BMP2K: variants seen among roughly 807,000 people sequenced by gnomAD.
BMP2K encodes the protein BMP2 inducible kinase, also known as BMP-2-inducible protein kinase.
BMP2K carries 74 observed loss-of-function variants against 116.0 expected under a neutral mutation model. The ratio of observed to expected loss-of-function variants is 0.64; its 90% CI spans 0.53 to 0.77. The LOEUF is 0.77. Among genes scored for constraint, BMP2K ranks in the 30% least tolerant of loss-of-function variants. The pLI, the probability that BMP2K is intolerant of heterozygous loss-of-function variation, is 0.00. For synonymous variants in BMP2K, 486 were observed against 502.5 expected, an observed-to-expected ratio of 0.97 and a Z score of 0.44; for missense variants, 1,365 against 1,403.6, an observed-to-expected ratio of 0.97 and a Z score of 0.44.
intron 13 of BMP2K, among the ~76,000 whole-genome samples, chr4:78,874,908 T>C: frequency 7.2e-6 from 1 of 138,676 alleles, no homozygotes; most frequent in African/African-American, 3.5e-5. Context: ...TCTGTGTAAC[T>C]ATTAAAAAAT....
rs1734585982 is a variant in BMP2K at position 78,911,338 on chromosome 4, G to A, written c.2791G>A (p.Val931Ile). ...CCCTGGTTATCCCAAAAGTGTAGAT[G>A]TATTTGGCTCCACTCCATTTCAGCC... Reference protein sequence around the residue: ...TIPGYPKSVDVFGSTPFQPFL... With the variant: ...TIPGYPKSVDIFGSTPFQPFL... Residue 931 changes from valine (V) to isoleucine (I), a missense_variant, in exon 16 of 16, where the codon GTA becomes ATA. Transcript: ENST00000502613. 1.1e-5 allele frequency: 17 copies of A among 1,613,576 alleles called. 1 individual carries two copies. In the African/African-American group the frequency reaches 1.3e-4, roughly 13 times the overall value.
At chr4:78,895,429 T>C (rs1733650641) in intron 15 of BMP2K, among the ~76,000 whole-genome samples, 1 of 152,158 alleles carries the variant, frequency 6.6e-6, no homozygotes, top group Non-Finnish European at 1.5e-5. Context: ...TCTCACAAAT[T>C]TCAAAAAGTG....
At chr4:78,842,156 A>G (rs192519653) in intron 3 of BMP2K, among the ~76,000 whole-genome samples, 176 of 152,212 alleles carry the variant, frequency 1.2e-3, no homozygotes, top group African/African-American at 3.9e-3. Context: ...AAAGTGGGCA[A>G]TAGCATTAAT....
chr4:78,789,957 T>A (rs1342349750), intron 1 of BMP2K, among the ~76,000 whole-genome samples: 1 of 152,194 alleles, frequency 6.6e-6, no homozygotes, highest in Non-Finnish European at 1.5e-5. Flanking sequence ...TAATATCGGA[T>A]CCCTATTTGC....
chr4:78,782,505 A>G (rs942148409), intron 1 of BMP2K, among the ~76,000 whole-genome samples: 1 of 152,156 alleles, frequency 6.6e-6, no homozygotes, highest in Non-Finnish European at 1.5e-5. Context: ...CTAATTTGCA[A>G]ATTGAAGAGC....
chr4:78,820,597 G>A (rs1268298637), intron 1 of BMP2K, among the ~76,000 whole-genome samples: 1 of 152,032 alleles, frequency 6.6e-6, no homozygotes, highest in Non-Finnish European at 1.5e-5. Flanking sequence ...CTGAGACGGA[G>A]TTTTGCTCTT....
At chr4:78,849,442 A>G (rs924130035) in intron 6 of BMP2K, among the ~76,000 whole-genome samples, 1 of 151,620 alleles carries the variant, frequency 6.6e-6, no homozygotes, top group East Asian at 1.9e-4. Context: ...TAAAATTGTT[A>G]TCTGGGAACC....
intron 15 of BMP2K, among the ~76,000 whole-genome samples, chr4:78,899,931 A>AT (rs1399857786): frequency 6.6e-6 from 1 of 152,142 alleles, no homozygotes; most frequent in African/African-American, 2.4e-5. Context: ...AAGAATTTAG[A>AT]TTTTATATGG....
At chr4:78,796,410 T>G in intron 1 of BMP2K, among the ~76,000 whole-genome samples, 1 of 140,168 alleles carries the variant, frequency 7.1e-6, no homozygotes, top group East Asian at 2.5e-4. Flanking sequence ...GGGGGAGGGA[T>G]AGCATTGGGA....
At chr4:78,848,023 C>T (rs999410159) in intron 6 of BMP2K, among the ~76,000 whole-genome samples, 5 of 151,430 alleles carry the variant, frequency 3.3e-5, no homozygotes, top group African/African-American at 1.2e-4. Flanking sequence ...GTTTTGAAAA[C>T]GTAATGTACA....
chr4:78,884,188 G>A lies in BMP2K; in HGVS notation c.1952-2986G>A, dbSNP rs754616484. The stretch of plus-strand genomic sequence containing the variant: ...ACAAAAAATAAAAAATTAGCTGAAC[G>A]TGGTGGCCTGTGCCTCTAGTGCCAG... On this transcript the variant is annotated intron_variant, in intron 14 of 15. Coordinates refer to ENST00000502613, the MANE Select transcript of BMP2K (RefSeq NM_198892.2). Among the ~76,000 whole-genome samples, 5 of 152,016 alleles carry A rather than the reference G, an allele frequency of 3.3e-5. No homozygotes were observed. The East Asian group carries it at 7.7e-4, about 23-fold the overall frequency.
At chr4:78,851,779 G>T (rs1413551473) in intron 7 of BMP2K, among the ~76,000 whole-genome samples, 1 of 151,998 alleles carries the variant, frequency 6.6e-6, no homozygotes, top group South Asian at 2.1e-4. Flanking sequence ...AAAAATAAAT[G>T]TACTTGAAGA....
chr4:78,832,268 G>T (rs771588642), intron 2 of BMP2K, among the ~76,000 whole-genome samples: 9 of 152,082 alleles, frequency 5.9e-5, no homozygotes, highest in Non-Finnish European at 1.0e-4. Flanking sequence ...ATTTTCTGTA[G>T]CAGCTGAACC....
At chr4:78,836,694 T>G (rs1316937904) in intron 3 of BMP2K, among the ~76,000 whole-genome samples, 1 of 152,232 alleles carries the variant, frequency 6.6e-6, no homozygotes, top group African/African-American at 2.4e-5. Flanking sequence ...AGAAGGATTT[T>G]TGAAACCTTG....
chr4:78,794,189 G>A (rs1560502219), intron 1 of BMP2K, among the ~76,000 whole-genome samples: 1 of 152,008 alleles, frequency 6.6e-6, no homozygotes, highest in Non-Finnish European at 1.5e-5. Context: ...ATCTGGGGGG[G>A]AATCCCTTTC....
At chr4:78,873,334 A>C (rs532947629) in intron 13 of BMP2K, among the ~76,000 whole-genome samples, 1 of 152,354 alleles carries the variant, frequency 6.6e-6, no homozygotes, top group African/African-American at 2.4e-5. Context: ...TAGTAGCGTT[A>C]TAAATTAAAT....
At chr4:78,844,149 C>G (rs1024939544) in intron 4 of BMP2K, among the ~76,000 whole-genome samples, 1 of 151,760 alleles carries the variant, frequency 6.6e-6, no homozygotes, top group Admixed American at 6.6e-5. Context: ...CCAGACTGTT[C>G]TAAGCACTTT....
In BMP2K at chr4:78,830,690, G is replaced by A. The variant is rs114040022; in HGVS notation, c.298-2892G>A. Among the ~76,000 whole-genome samples the A allele has an allele frequency of 9.2e-3, 1,400 of 152,306 alleles. 6 individuals carry two copies. Among genetic ancestry groups the A allele is most frequent in the Non-Finnish European group, 0.016 (1,069 of 68,028 alleles). On this transcript the variant is annotated intron_variant, in intron 2 of 15. Transcript: ENST00000502613. ...TTTACTTTGTACTTAATATGTGCTGGAAATGGCTTCTTTCCTTAAACCTCA... is the reference window on the plus strand; with the variant it reads ...TTTACTTTGTACTTAATATGTGCTGAAAATGGCTTCTTTCCTTAAACCTCA...
intron 1 of BMP2K, among the ~76,000 whole-genome samples, chr4:78,821,045 A>G (rs973069023): frequency 2.0e-5 from 3 of 152,034 alleles, no homozygotes; most frequent in Non-Finnish European, 4.4e-5. Context: ...CTCTGCTCTT[A>G]TTTCATGACT....
Sources: allele counts gnomAD v4.1 joint callset (sites outside exome capture counted in the v4.1 genomes callset), GRCh38; gene constraint gnomAD v4.1.1; transcripts MANE v1.5; gene names NCBI Gene and HGNC (gene_info 2026-07-23, HGNC 2026-07-21).